The following TBC1D9B variants were observed in gnomAD, a reference collection of about 807,000 sequenced individuals.
TBC1D9B encodes the protein TBC1 domain family member 9B.
TBC1D9B carries 87 observed loss-of-function variants against 121.1 expected under a neutral mutation model. That is an observed-to-expected ratio of 0.72 (90% CI 0.60 to 0.86). TBC1D9B has a LOEUF of 0.86. TBC1D9B is among the 40% of genes least tolerant of loss of function. The probability of loss-of-function intolerance (pLI) is 0.00; values close to 1 mark genes in which losing one functional copy is unlikely to be tolerated. For synonymous variants in TBC1D9B, 668 were observed against 670.1 expected (o/e 1.00, Z 0.05); for missense variants, 1,540 against 1,628.6 (o/e 0.95, Z 0.94).
At position 179,865,865 on chromosome 5, in the gene TBC1D9B, C is replaced by T; in HGVS notation, c.2887G>A (p.Glu963Lys). ...SEEALPQEEQ[E>K]GSGSEERGEE... is the part of the protein sequence containing the mutation. The stretch of plus-strand genomic sequence containing the variant: ...CCTCTCTCCTCACTTCCACTTCCTT[C>T]TTGCTCTTCCTGTGGTAGTGCTTCT... Residue 963 changes from glutamate to lysine, a missense_variant, in exon 19 of 21, where the codon GAA (glutamate) becomes AAA (lysine). By Grantham distance (56) the Glu-to-Lys change is moderately conservative (BLOSUM62 1). Coordinates refer to ENST00000355235, the MANE Select transcript of TBC1D9B (RefSeq NM_015043.4). The surrounding 1 kb of genome is among the most constrained non-coding windows in gnomAD (Gnocchi z 5.1). The T allele has an allele frequency of 2.5e-6, 4 of 1,612,734 alleles. No individual in the cohort carries two copies. Among genetic ancestry groups the T allele is most frequent in the Non-Finnish European group, 3.4e-6 (4 of 1,179,220 alleles).
intron 7 of TBC1D9B, chr5:179,884,421 C>T (rs1191917016): frequency 6.6e-6 from 1 of 152,142 alleles, no homozygotes; most frequent in Non-Finnish European, 1.5e-5. Flanking sequence ...GTGGTCTGGC[C>T]TCCAACTGTG....
At chr5:179,883,329 G>A (rs903746602) in intron 7 of TBC1D9B, among the ~76,000 whole-genome samples, 6 of 152,196 alleles carry the variant, frequency 3.9e-5, no homozygotes, top group African/African-American at 1.4e-4. Flanking sequence ...TTATTCCACT[G>A]CTTTTTTCTG....
intron 17 of TBC1D9B, 67 bp downstream of exon 17, chr5:179,869,702 G>T (rs1318411880): frequency 1.3e-6 from 2 of 1,567,046 alleles, no homozygotes; most frequent in Admixed American, 3.4e-5. Flanking sequence ...ACAGAGGCCT[G>T]TCCTCTGCAG....
intron 15 of TBC1D9B, 65 bp from the exon 16 acceptor site, chr5:179,870,560 C>T (rs1760162076): frequency 6.6e-7 from 1 of 1,517,104 alleles, no homozygotes; most frequent in African/African-American, 1.4e-5. Context: ...GACCCCTAGG[C>T]TGGTGGTGTG....
At chr5:179,873,024 A>C in intron 13 of TBC1D9B, 34 bp from the exon 14 acceptor site, 4 of 1,613,840 alleles carry the variant, frequency 2.5e-6, no homozygotes, top group Non-Finnish European at 3.4e-6. Context: ...AGATCAAGCC[A>C]ACTGCAGGGC....
intron 7 of TBC1D9B, among the ~76,000 whole-genome samples, chr5:179,881,023 G>A (rs544084685): frequency 6.6e-5 from 10 of 152,170 alleles, no homozygotes; most frequent in East Asian, 3.9e-4. Flanking sequence ...CCACACCGCC[G>A]GGTGTGTGGC....
In TBC1D9B at chr5:179,879,187, T is replaced by C. The variant is rs757977063; in HGVS notation, c.1427A>G (p.Lys476Arg). The C allele has an allele frequency of 6.2e-7, 1 of 1,601,454 alleles. No individual in the cohort carries two copies. Among genetic ancestry groups the C allele is most frequent in the South Asian group, 1.1e-5 (1 of 90,406 alleles). The change falls in exon 9 of 21, where the codon AAG becomes AGG. Residue 476 changes from lysine to arginine, a missense_variant. Physicochemically the swap from Lys to Arg is conservative, Grantham distance 26. Coordinates refer to ENST00000355235, the MANE Select transcript of TBC1D9B (RefSeq NM_015043.4). ...EDLGAKGAKE[K>R]MKEESWHIHF... ...GATGTGCCATGACTCCTCTTTCATC[T>C]TCTCCTTGGCCTGAGGGAAAAGCGC...
chr5:179,881,556 GTA>G (rs1285724469), intron 7 of TBC1D9B, among the ~76,000 whole-genome samples: 1 of 152,066 alleles, frequency 6.6e-6, no homozygotes, highest in African/African-American at 2.4e-5. Flanking sequence ...GTTGTACACC[GTA>G]TGTTTACTTT....
At position 179,875,033 on chromosome 5, in the gene TBC1D9B, C is replaced by T. The variant is rs779677732; in HGVS notation, c.2055G>A (p.Val685=). ...CATAGAAAAAGCAGTCGACGATGAC[C>T]ACGGCGCTCTCGAAGGGCATGACGC... The part of the protein sequence containing the change: ...FLSVMPFESA[V]VIVDCFFYEG... The change falls in exon 12 of 21, where the codon GTG becomes GTA. Residue 685 remains valine (V), a synonymous_variant. Coordinates refer to ENST00000355235, the MANE Select transcript of TBC1D9B (RefSeq NM_015043.4). This position sits in a 1 kb window ranked among gnomAD's most constrained non-coding sequence, Gnocchi z 4.5. 15 of 1,613,962 alleles carry T rather than the reference C, an allele frequency of 9.3e-6. No homozygotes were observed. Among genetic ancestry groups the T allele is most frequent in the Non-Finnish European group, 8.5e-7 (1 of 1,180,054 alleles).
chr5:179,870,425 G>T lies in TBC1D9B; in HGVS notation c.2555C>A (p.Pro852His). The T allele has an allele frequency of 6.2e-7, 1 of 1,613,484 alleles. No individual in the cohort carries two copies. The highest frequency in any genetic ancestry group is 8.5e-7 in the Non-Finnish European group (1 of 1,180,014). Residue 852 changes from proline to histidine, a missense_variant, in exon 16 of 21, where the codon CCC becomes CAC. Transcript: ENST00000355235. ...ATCAATCCGGTACTGCTCCAGGTAG[G>T]GCAGGCTGGGGTCCCGACGGCCGGC... is the stretch of plus-strand genomic sequence containing the variant. ...TMAGRRDPSL[P>H]YLEQYRIDAS...
At chr5:179,878,107 C>A (rs936347673) in intron 10 of TBC1D9B, among the ~76,000 whole-genome samples, 1 of 152,230 alleles carries the variant, frequency 6.6e-6, no homozygotes, top group Non-Finnish European at 1.5e-5. Context: ...GGGACTCAGA[C>A]AAAAGTACAA....
chr5:179,895,657 A>G (rs951088240), intron 3 of TBC1D9B, among the ~76,000 whole-genome samples: 5 of 152,218 alleles, frequency 3.3e-5, no homozygotes, highest in Admixed American at 6.5e-5. Flanking sequence ...CCTCAGCTCA[A>G]AATGTACACA....
chr5:179,878,452 T>C lies in TBC1D9B; in HGVS notation c.1639A>G (p.Ser547Gly). The C allele has an allele frequency of 6.2e-7, 1 of 1,612,802 alleles. No homozygotes were observed. The highest frequency in any genetic ancestry group is 8.5e-7 in the Non-Finnish European group (1 of 1,179,518). Residue 547 changes from serine to glycine, a missense_variant, in exon 10 of 21, where the codon AGC becomes GGC. Ser to Gly is a moderately conservative substitution (Grantham distance 56). Coordinates refer to ENST00000355235, the MANE Select transcript of TBC1D9B (RefSeq NM_015043.4). ...CGCTCGATCTCCTCTGTGGCCAGGC[T>C]GTACTTCCCGGTGGACTTCTCCACC... ...ELVEKSTGKYSLATEEIERDL... is the reference protein window; with the variant it reads ...ELVEKSTGKYGLATEEIERDL...
In TBC1D9B at chr5:179,863,638, A is replaced by C; in HGVS notation, c.3512T>G (p.Ile1171Ser). ...GGEACSPTARIGGTVDTDWCI... is the reference protein window; with the variant it reads ...GGEACSPTARSGGTVDTDWCI... ...CCAGTCGGTGTCGACGGTGCCGCCG[A>C]TGCGCGCTGTGGGGCTGCAGGCCTC... is the stretch of plus-strand genomic sequence containing the variant. Residue 1171 changes from isoleucine to serine, a missense_variant, in exon 21 of 21, where the codon ATC (isoleucine) becomes AGC (serine). Transcript: ENST00000355235. This position sits in a 1 kb window ranked among gnomAD's most constrained non-coding sequence, Gnocchi z 4.5. 1 of 1,613,814 alleles carries C rather than the reference A, an allele frequency of 6.2e-7. No homozygotes were observed. Among genetic ancestry groups the C allele is most frequent in the South Asian group, 1.1e-5 (1 of 91,078 alleles).
At position 179,875,890 on chromosome 5, in the gene TBC1D9B, C is replaced by T; in HGVS notation, c.1900+30G>A. 1 of 1,549,444 alleles carries T rather than the reference C, an allele frequency of 6.5e-7. No homozygotes were observed. Among genetic ancestry groups the T allele is most frequent in the Non-Finnish European group, 8.7e-7 (1 of 1,144,848 alleles). ...ATGGAACCAGCAGGCACCTGGAGAC[C>T]CAGGCGAGGCAGCACCCGGGGACAC... On this transcript the variant is annotated intron_variant, in intron 11 of 20. Coordinates refer to ENST00000355235, the MANE Select transcript of TBC1D9B (RefSeq NM_015043.4). This position sits in a 1 kb window ranked among gnomAD's most constrained non-coding sequence, Gnocchi z 4.5.
chr5:179,878,318 G>C lies in TBC1D9B; in HGVS notation c.1773C>G (p.Gly591=), dbSNP rs1472293298. Residue 591 remains glycine, a synonymous_variant, in exon 10 of 21, where the codon GGC becomes GGG. Coordinates refer to ENST00000355235, the MANE Select transcript of TBC1D9B (RefSeq NM_015043.4). The part of the protein sequence containing the change: ...TAYAFRNPTI[G]YCQAMNIVTS... ...CTGTCAGGCCCCTTACCTGGCAGTAGCCGATGGTGGGGTTTCGGAAGGCAT... is the reference window on the plus strand; with the variant it reads ...CTGTCAGGCCCCTTACCTGGCAGTACCCGATGGTGGGGTTTCGGAAGGCAT... The C allele has an allele frequency of 2.5e-6, 4 of 1,612,404 alleles. No homozygotes were observed. The East Asian group carries it at 8.9e-5, about 36-fold the overall frequency.
At position 179,902,931 on chromosome 5, in the gene TBC1D9B, A is replaced by G. The variant is rs269473; in HGVS notation, c.229+1771T>C. Among the ~76,000 whole-genome samples the G allele has an allele frequency of 0.12, 18,081 of 152,120 alleles. 3,474 individuals carry two copies. The highest frequency in any genetic ancestry group is 0.4 in the African/African-American group (16,659 of 41,438). On this transcript the variant is annotated intron_variant, in intron 2 of 20. Coordinates refer to ENST00000355235, the MANE Select transcript of TBC1D9B (RefSeq NM_015043.4). This position sits in a 1 kb window ranked among gnomAD's most constrained non-coding sequence, Gnocchi z 4.9. ...CTTACTGAGTTATTCAGTCCTGCAA[A>G]GGAGAAGGGCACTGCTGGTCAGGAT...
intron 4 of TBC1D9B, among the ~76,000 whole-genome samples, 188 bp from the exon 5 acceptor site, chr5:179,893,655 C>G (rs1259314907): frequency 1.3e-5 from 2 of 152,148 alleles, no homozygotes; most frequent in Non-Finnish European, 2.9e-5. Context: ...GTGTCCACTG[C>G]CTTCCAGACC....
Position 179,865,696 on chromosome 5 carries a change from C to G in TBC1D9B, c.2914+142G>C. 2 of 964,140 alleles carry G rather than the reference C, an allele frequency of 2.1e-6. No homozygotes were observed. Among genetic ancestry groups the G allele is most frequent in the Non-Finnish European group, 3.1e-6 (2 of 641,376 alleles). The allele number at this position is 964,140 out of a possible 1,614,324, so 59.7% of individuals were successfully genotyped here. ...AGAGCGTGGAGCCTCCTGTGCATCC[C>G]GAGGCCTGCTCCCTGATCGGGGGAC... is the stretch of plus-strand genomic sequence containing the variant. On this transcript the variant is annotated intron_variant, in intron 19 of 20. Transcript: ENST00000355235. The surrounding 1 kb of genome is among the most constrained non-coding windows in gnomAD (Gnocchi z 5.1).
Sources: gnomAD v4.1 joint callset for allele counts (sites outside exome capture counted in the v4.1 genomes callset) on GRCh38, gnomAD v4.1.1 for gene constraint, Gnocchi (gnomAD v3.1) non-coding constraint, MANE v1.5 for transcripts, NCBI Gene and HGNC (gene_info 2026-07-23, HGNC 2026-07-21) for gene names.